The following ING5 variants were observed in gnomAD, a reference collection of about 807,000 sequenced individuals.
ING5 encodes the protein inhibitor of growth protein 5.
In ING5, 17 loss-of-function variants were observed where a neutral mutation model predicts 37.4. The observed-to-expected ratio is 0.45, with a 90% CI of 0.31 to 0.68. The LOEUF is 0.68. Among genes scored for constraint, ING5 ranks in the 30% least tolerant of loss-of-function variants. ING5 has a pLI of 0.05. For synonymous variants in ING5, 123 were observed against 116.6 expected, an observed-to-expected ratio of 1.06 and a Z score of -0.36; for missense variants, 233 against 311.9, an observed-to-expected ratio of 0.75 and a Z score of 1.91.
At chr2:241,706,130 G>A (rs1575124184) in intron 2 of ING5, among the ~76,000 whole-genome samples, 1 of 152,146 alleles carries the variant, frequency 6.6e-6, no homozygotes, top group Non-Finnish European at 1.5e-5. Context: ...TTTCCGCAGA[G>A]CCCTCTGTCC....
rs1037203675 is a variant in ING5 at position 241,728,174 on chromosome 2, G to A, written c.*3143G>A. The A allele has an allele frequency of 6.6e-6, 1 of 152,322 alleles. No individual in the cohort carries two copies. The highest frequency in any genetic ancestry group is 1.5e-5 in the Non-Finnish European group (1 of 68,102). The allele number at this position is 152,322 out of a possible 1,614,324, so 9.4% of individuals were successfully genotyped here. A position where few individuals can be genotyped will look rare whatever the true frequency, so the allele number is the denominator to read the frequency against. On this transcript the variant is annotated 3_prime_UTR_variant, in exon 8 of 8. Coordinates refer to ENST00000313552, the MANE Select transcript of ING5 (RefSeq NM_032329.6). ...CCGTGGGAGAGACACACTCAGGAGT[G>A]GCCGTTTGGCCAGAAAAGAAGGTCA...
exon 1 of ING5, chr2:241,687,178 G>T: frequency 2.5e-6 from 1 of 393,592 alleles, no homozygotes; most frequent in Non-Finnish European, 4.5e-6. Context: ...GCCCAGCGTC[G>T]GCTCTCGTTG....
chr2:241,724,849 CGGCCCCACTGCGT>C (rs1409857768), intron 7 of ING5, 127 bp from the exon 8 acceptor site: 1 of 764,956 alleles, frequency 1.3e-6, no homozygotes, highest in African/African-American at 1.7e-5. Flanking sequence ...GGGAGGGCCG[CGGCCCCACTGCGT>C]GTGCCTCTCC....
intron 1 of ING5, among the ~76,000 whole-genome samples, chr2:241,702,531 C>T: frequency 6.7e-6 from 1 of 148,276 alleles, no homozygotes; most frequent in South Asian, 2.1e-4. Flanking sequence ...GCCTTGGGGG[C>T]TCCGGGGTCT....
chr2:241,712,152 T>A (rs2070130320), intron 5 of ING5, 81 bp downstream of exon 5: 1 of 1,146,112 alleles, frequency 8.7e-7, no homozygotes, highest in East Asian at 2.6e-5. Flanking sequence ...TGATGGAAGC[T>A]GACCCGAGTG....
At chr2:241,702,037 G>A (rs868558193), upstream of ING5, 3 of 1,363,646 alleles carry the variant, frequency 2.2e-6, no homozygotes, top group Non-Finnish European at 2.8e-6. Context: ...GCCCGCCCGC[G>A]CAGACCCCGA....
At chr2:241,723,188 G>T (rs774673046) in intron 6 of ING5, 22 bp from the exon 7 acceptor site, 2 of 1,614,120 alleles carry the variant, frequency 1.2e-6, no homozygotes, top group Non-Finnish European at 8.5e-7. Context: ...TGTTGACTGC[G>T]GTTTCTCCCT....
chr2:241,723,723 G>T, intron 7 of ING5: 1 of 1,587,904 alleles, frequency 6.3e-7, no homozygotes. Flanking sequence ...GTGGAGAAGG[G>T]TGTGTTTTCT....
Position 241,725,126 on chromosome 2 carries a change from T to G in ING5, c.*95T>G. The G allele has an allele frequency of 1.5e-6, 2 of 1,304,208 alleles. No individual in the cohort carries two copies. The highest frequency in any genetic ancestry group is 2.2e-6 in the Non-Finnish European group (2 of 902,708). 80.8% of individuals were successfully genotyped at this position (1,304,208 alleles called of 1,614,324 possible). A position where few individuals can be genotyped will look rare whatever the true frequency, so the allele number is the denominator to read the frequency against. On this transcript the variant is annotated 3_prime_UTR_variant, in exon 8 of 8. Coordinates refer to ENST00000313552, the MANE Select transcript of ING5 (RefSeq NM_032329.6). Reference sequence around the variant, plus strand: ...TCCTTTTAAAACTACCTTGTTCGGTTGATACTTAGTAACTCCGTGGCCAGT... The same window carrying G: ...TCCTTTTAAAACTACCTTGTTCGGTGGATACTTAGTAACTCCGTGGCCAGT...
intron 7 of ING5, among the ~76,000 whole-genome samples, chr2:241,724,317 C>T (rs183004314): frequency 8.7e-4 from 133 of 152,276 alleles, no homozygotes; most frequent in African/African-American, 2.3e-3. Context: ...TGGTGCCCCA[C>T]GCCGTGCGGC....
intron 5 of ING5, chr2:241,722,195 C>T (rs2070451244): frequency 1.0e-6 from 1 of 985,264 alleles, no homozygotes; most frequent in African/African-American, 1.7e-5. Flanking sequence ...GCTCTGACAC[C>T]TGTCAGTCTG....
chr2:241,701,439 G>T (rs2069722934), upstream of ING5, among the ~76,000 whole-genome samples: 2 of 152,202 alleles, frequency 1.3e-5, no homozygotes, highest in South Asian at 4.1e-4. Flanking sequence ...CGGGGCGGCC[G>T]CTTTCCTCGG....
At chr2:241,700,663 G>T (rs1027416364), upstream of ING5, among the ~76,000 whole-genome samples, 1 of 151,898 alleles carries the variant, frequency 6.6e-6, no homozygotes, top group Non-Finnish European at 1.5e-5. Context: ...TCTTGCTCTT[G>T]TCACCCAAGC....
At chr2:241,690,756 A>T (rs2069539218) in intron 2 of ING5, 2 of 394,036 alleles carry the variant, frequency 5.1e-6, no homozygotes, top group Non-Finnish European at 8.9e-6. Context: ...TTGCAGAAAG[A>T]TGCAGGTGAA....
intron 5 of ING5, chr2:241,719,670 C>G: frequency 6.5e-7 from 1 of 1,532,686 alleles, no homozygotes; most frequent in Middle Eastern, 1.7e-4. Flanking sequence ...GAAGGAGACT[C>G]CAGCTCCCTG....
chr2:241,703,156 C>T (rs1302065519), intron 1 of ING5, among the ~76,000 whole-genome samples: 1 of 152,198 alleles, frequency 6.6e-6, no homozygotes, highest in Non-Finnish European at 1.5e-5. Flanking sequence ...TCCTGGTGCC[C>T]AGCCAGTGGG....
intron 1 of ING5, among the ~76,000 whole-genome samples, chr2:241,689,205 C>T (rs990096991): frequency 6.6e-6 from 1 of 151,978 alleles, no homozygotes; most frequent in African/African-American, 2.4e-5. Flanking sequence ...CTCCACTTCC[C>T]GGGTTCAACC....
chr2:241,702,122 C>T lies in ING5; in HGVS notation c.37+20C>T. The T allele has an allele frequency of 2.3e-6, 3 of 1,296,674 alleles. No homozygotes were observed. The highest frequency in any genetic ancestry group is 7.1e-5 in the Admixed American group (2 of 28,300). The allele number at this position is 1,296,674 out of a possible 1,614,324, so 80.3% of individuals were successfully genotyped here. A position where few individuals can be genotyped will look rare whatever the true frequency, so the allele number is the denominator to read the frequency against. On this transcript the variant is annotated intron_variant, in intron 1 of 7. Transcript: ENST00000313552. ...TGGACAGTAAGCGCGCCCCACGGGC[C>T]CCGCGCCCGCCGCCCACGCGGAGTC... is the stretch of plus-strand genomic sequence containing the variant.
rs961413280 is a variant in ING5 at position 241,728,894 on chromosome 2, G to T, written c.*3863G>T. ...TGGGAGGGTTTGCTGGGACTGATGG[G>T]GACACCGGCCAGCTTGTCTGGTGTC... is the stretch of plus-strand genomic sequence containing the variant. On this transcript the variant is annotated 3_prime_UTR_variant, in exon 8 of 8. Transcript: ENST00000313552. 1 of 152,254 alleles carries T rather than the reference G, an allele frequency of 6.6e-6. No individual in the cohort carries two copies. The highest frequency in any genetic ancestry group is 1.5e-5 in the Non-Finnish European group (1 of 68,062). The allele number at this position is 152,254 out of a possible 1,614,324, so 9.4% of individuals were successfully genotyped here.
Sources: gnomAD v4.1 joint callset for allele counts (sites outside exome capture counted in the v4.1 genomes callset) on GRCh38, gnomAD v4.1.1 for gene constraint, MANE v1.5 for transcripts, NCBI Gene and HGNC (gene_info 2026-07-23, HGNC 2026-07-21) for gene names.